The following URI1 variants were observed in gnomAD, a reference collection of about 807,000 sequenced individuals.
URI1 encodes the protein unconventional prefoldin RPB5 interactor 1.
URI1 carries 39 observed loss-of-function variants against 60.2 expected under a neutral mutation model. The observed-to-expected ratio is 0.65, with a 90% CI of 0.50 to 0.85. The LOEUF (loss-of-function observed/expected upper bound fraction) is 0.85, where lower values mean the gene tolerates loss of function less well. URI1 is among the 40% of genes least tolerant of loss of function. URI1 has a pLI of 0.00. For missense variants in URI1, 691 were observed against 665.9 expected, an observed-to-expected ratio of 1.04 and a Z score of -0.42; for synonymous variants, 251 against 236.8, an observed-to-expected ratio of 1.06 and a Z score of -0.55.
Position 29,986,418 on chromosome 19 carries a change from G to C in URI1, c.367+1G>C. ...GGTTTAGTTGAGCACCGGAAAGAAC[G>C]TAGGTACCCATTTTAAATGATGTTT... On this transcript the variant is annotated splice_donor_variant, in intron 4 of 10. Transcript: ENST00000392271. LOFTEE classifies it high-confidence loss of function. 6.2e-7 allele frequency: 1 copy of C among 1,603,088 alleles called. No homozygotes were observed. Among genetic ancestry groups the C allele is most frequent in the Non-Finnish European group, 8.5e-7 (1 of 1,177,852 alleles).
intron 2 of URI1, among the ~76,000 whole-genome samples, chr19:29,975,689 A>G (rs1290586666): frequency 6.6e-6 from 1 of 152,000 alleles, no homozygotes; most frequent in Admixed American, 6.6e-5. Flanking sequence ...GTATTTTAGT[A>G]AAGACGGGGT....
At chr19:29,978,530 C>T (rs750261594) in intron 2 of URI1, among the ~76,000 whole-genome samples, 77 of 151,054 alleles carry the variant, frequency 5.1e-4, no homozygotes, top group Non-Finnish European at 6.7e-4. Context: ...TCCAATAAAA[C>T]TCTTAAGCAC....
At chr19:30,007,694 A>G (rs2145437974) in intron 7 of URI1, 56 bp downstream of exon 7, 1 of 1,436,794 alleles carries the variant, frequency 7.0e-7, no homozygotes, top group South Asian at 1.4e-5. Context: ...ACATTTCCTC[A>G]TTAATCTTTT....
At chr19:30,010,215 A>T (rs2056000427) in intron 8 of URI1, among the ~76,000 whole-genome samples, 1 of 152,206 alleles carries the variant, frequency 6.6e-6, no homozygotes, top group East Asian at 1.9e-4. Flanking sequence ...TGTATCAGTT[A>T]AGGGTCTGTG....
At chr19:29,961,757 C>G (rs1335139034) in intron 1 of URI1, among the ~76,000 whole-genome samples, 1 of 150,054 alleles carries the variant, frequency 6.7e-6, no homozygotes, top group East Asian at 2.0e-4. Context: ...ACAATCTCGG[C>G]TCACTGCAAC....
chr19:29,976,658 C>T (rs896285153), intron 2 of URI1, among the ~76,000 whole-genome samples: 8 of 152,262 alleles, frequency 5.3e-5, no homozygotes, highest in South Asian at 2.1e-4. Context: ...AGGAAGTCTC[C>T]GTCCTTTATG....
chr19:29,940,084 T>C (rs1445814543), upstream of URI1, among the ~76,000 whole-genome samples: 1 of 152,208 alleles, frequency 6.6e-6, no homozygotes, highest in Admixed American at 6.5e-5. Flanking sequence ...GTCCTGGTCA[T>C]TTAGAAAATT....
Position 30,015,150 on chromosome 19 carries a change from A to T in URI1, c.*81A>T. ...GAGTATCTATAGCAAAATAGGTTAC[A>T]TGTAGTTTGAAATAAGGTATCCTGA... On this transcript the variant is annotated 3_prime_UTR_variant, in exon 11 of 11. Transcript: ENST00000392271. 1 of 1,515,910 alleles carries T rather than the reference A, an allele frequency of 6.6e-7. No homozygotes were observed. Among genetic ancestry groups the T allele is most frequent in the Non-Finnish European group, 8.8e-7 (1 of 1,135,470 alleles). The allele number at this position is 1,515,910 out of a possible 1,614,324, so 93.9% of individuals were successfully genotyped here. A position where few individuals can be genotyped will look rare whatever the true frequency, so the allele number is the denominator to read the frequency against.
chr19:29,951,737 G>A (rs1370858013), intron 1 of URI1, among the ~76,000 whole-genome samples: 8 of 152,098 alleles, frequency 5.3e-5, no homozygotes, highest in African/African-American at 1.9e-4. Flanking sequence ...TAGTAGAGAC[G>A]AGGTTTCACC....
chr19:29,934,759 G>A (rs949870402), intron 1 of URI1, among the ~76,000 whole-genome samples: 2 of 151,824 alleles, frequency 1.3e-5, no homozygotes, highest in Non-Finnish European at 2.9e-5. Context: ...GTCTCACTAT[G>A]TTGCTCAGGA....
At chr19:29,986,101 T>C (rs544974691) in intron 3 of URI1, among the ~76,000 whole-genome samples, 181 bp from the exon 4 acceptor site, 98 of 152,338 alleles carry the variant, frequency 6.4e-4, no homozygotes, top group African/African-American at 2.3e-3. Flanking sequence ...GCAATTTTCT[T>C]TAGATTTTCC....
intron 4 of URI1, among the ~76,000 whole-genome samples, chr19:30,001,643 A>G (rs1352434973): frequency 2.6e-5 from 4 of 151,918 alleles, no homozygotes; most frequent in Non-Finnish European, 5.9e-5. Flanking sequence ...TCTTTTGGAA[A>G]TACTCTCAAG....
At position 29,951,351 on chromosome 19, in the gene URI1, A is replaced by G. The variant is rs1180955707; in HGVS notation, c.117+8687A>G. Among the ~76,000 whole-genome samples the G allele has an allele frequency of 2.0e-5, 3 of 152,174 alleles. No individual in the cohort carries two copies. The East Asian group carries it at 5.8e-4, about 29-fold the overall frequency. On this transcript the variant is annotated intron_variant, in intron 1 of 10. Coordinates refer to ENST00000392271, the MANE Select transcript of URI1 (RefSeq NM_003796.3). ...TCAGTTATATTGGTGTTTGCTAATT[A>G]GTGATTTTCTAACAATGTATTTATT...
intron 2 of URI1, among the ~76,000 whole-genome samples, chr19:29,973,466 G>T (rs1559083): frequency 0.8 from 122,221 of 152,018 alleles, 50,560 homozygotes; most frequent in Non-Finnish European, 0.9. Flanking sequence ...TTATGAGTAC[G>T]CACCAGTATA....
upstream of URI1, among the ~76,000 whole-genome samples, chr19:29,941,954 C>T (rs968146586): frequency 2.8e-4 from 43 of 151,244 alleles, no homozygotes; most frequent in African/African-American, 1.0e-3. Flanking sequence ...CCGAGCGTTT[C>T]CTGGGCGTGG....
chr19:29,952,232 A>T lies in URI1; in HGVS notation c.117+9568A>T, dbSNP rs539635844. Among the ~76,000 whole-genome samples, 10 of 152,370 alleles carry T rather than the reference A, an allele frequency of 6.6e-5. 1 individual carries two copies. In the South Asian group the frequency reaches 2.1e-3, roughly 32 times the overall value. Reference sequence around the variant, plus strand: ...GAAAGTTTAATCAGAATTTAAACACAGCAGTTCTCTTTATATTAAGCAAAT... The same window carrying T: ...GAAAGTTTAATCAGAATTTAAACACTGCAGTTCTCTTTATATTAAGCAAAT... On this transcript the variant is annotated intron_variant, in intron 1 of 10. Coordinates refer to ENST00000392271, the MANE Select transcript of URI1 (RefSeq NM_003796.3).
intron 4 of URI1, among the ~76,000 whole-genome samples, chr19:30,000,903 T>C (rs192453822): frequency 1.3e-5 from 2 of 152,090 alleles, no homozygotes; most frequent in Admixed American, 1.3e-4. Flanking sequence ...ATTTTTGAAG[T>C]GATTTCTTCT....
chr19:29,951,570 G>A (rs2055180531), intron 1 of URI1, among the ~76,000 whole-genome samples: 1 of 147,672 alleles, frequency 6.8e-6, no homozygotes, highest in Non-Finnish European at 1.5e-5. Context: ...TTTTTTTTGA[G>A]ACAGAGTTTC....
chr19:29,933,914 T>C (rs1351578667), intron 1 of URI1, among the ~76,000 whole-genome samples: 1 of 149,726 alleles, frequency 6.7e-6, no homozygotes, highest in Non-Finnish European at 1.5e-5. Flanking sequence ...ATCTTTGTTA[T>C]TCCTTCTTTC....
Sources: allele counts gnomAD v4.1 joint callset (sites outside exome capture counted in the v4.1 genomes callset), GRCh38; gene constraint gnomAD v4.1.1; transcripts MANE v1.5; gene names NCBI Gene and HGNC (gene_info 2026-07-23, HGNC 2026-07-21).